Variants in CSNK2A1 observed in about 807,000 individuals in gnomAD.
CSNK2A1 encodes the protein casein kinase 2 alpha 1, also known as casein kinase II subunit alpha.
A neutral mutation model predicts 62.9 loss-of-function variants in CSNK2A1; 10 were observed. The observed-to-expected ratio is 0.16, with a 90% confidence interval of 0.10 to 0.27. CSNK2A1 has a LOEUF of 0.27. Ranked by LOEUF, CSNK2A1 falls within the 10% of genes least tolerant of loss-of-function variation. The probability of loss-of-function intolerance (pLI) is 1.00; values close to 1 mark genes in which losing one functional copy is unlikely to be tolerated. For synonymous variants in CSNK2A1, 124 were observed against 167.8 expected (o/e 0.74, Z 2.02); for missense variants, 160 against 492.0 (o/e 0.33, Z 6.38).
At chr20:519,067 C>T (rs1387160078) in intron 2 of CSNK2A1, among the ~76,000 whole-genome samples, 1 of 151,604 alleles carries the variant, frequency 6.6e-6, no homozygotes, top group Non-Finnish European at 1.5e-5. Flanking sequence ...TCCAGAGTAG[C>T]TGGGACTACA....
Position 526,276 on chromosome 20 carries a change from G to T in CSNK2A1, c.-110+1657C>A, listed in dbSNP as rs943756330. Among the ~76,000 whole-genome samples the T allele has an allele frequency of 5.9e-5, 9 of 152,160 alleles. No individual in the cohort carries two copies. The East Asian group carries it at 1.6e-3, about 26-fold the overall frequency. On this transcript the variant is annotated intron_variant, in intron 2 of 13. Transcript: ENST00000217244. ...GTCTGAGTCCAGGAGTTTGAGATCA[G>T]CCTGGGCAACAGAGTGCAACCCCCA...
intron 4 of CSNK2A1, chr20:501,878 G>C (rs906675313): frequency 3.3e-5 from 5 of 152,086 alleles, no homozygotes; most frequent in Admixed American, 3.3e-4. Context: ...TCTTGAGAGG[G>C]AAACGGGGGA....
At position 496,521 on chromosome 20, in the gene CSNK2A1, G is replaced by A. The variant is rs963170942; in HGVS notation, c.427-719C>T. The A allele has an allele frequency of 2.6e-5, 4 of 152,184 alleles. No individual in the cohort carries two copies. The East Asian group carries it at 5.8e-4, about 22-fold the overall frequency. 9.4% of individuals were successfully genotyped at this position (152,184 alleles called of 1,614,324 possible). ...AATCCCAGCCTTTCAGTCAGCCGAC[G>A]TTGTTGGCCAAATTCTTGTCCTTCC... On this transcript the variant is annotated intron_variant, in intron 7 of 13. Transcript: ENST00000217244.
At chr20:503,793 T>C in intron 4 of CSNK2A1, 1 of 397,842 alleles carries the variant, frequency 2.5e-6, no homozygotes, top group Non-Finnish European at 4.4e-6. Context: ...AACCCAACAG[T>C]AACAAATTAT....
At position 478,402 on chromosome 20, in the gene CSNK2A1, G is replaced by A; in HGVS notation, c.*5559C>T. ...TGGCTAGAAATGTTTATCAATAGCT[G>A]AGACTCTGATTCCCAGGGTGGGATC... is the stretch of plus-strand genomic sequence containing the variant. On this transcript the variant is annotated 3_prime_UTR_variant, in exon 14 of 14. Transcript: ENST00000217244. 1 of 239,844 alleles carries A rather than the reference G, an allele frequency of 4.2e-6. No homozygotes were observed. Among genetic ancestry groups the A allele is most frequent in the South Asian group, 3.7e-5 (1 of 26,856 alleles). 14.9% of individuals were successfully genotyped at this position (239,844 alleles called of 1,614,324 possible).
rs187009010 is a variant in CSNK2A1, at chr20:508,879, C to A, written c.-109-219G>T. Among the ~76,000 whole-genome samples, 711 of 152,184 alleles carry A rather than the reference C, an allele frequency of 4.7e-3. 8 individuals carry two copies. Among genetic ancestry groups the A allele is most frequent in the Middle Eastern group, 0.031 (9 of 294 alleles). On this transcript the variant is annotated intron_variant, in intron 2 of 13. Transcript: ENST00000217244. ...GATATTTGCTTTAATCATATTTTGC[C>A]AAATATCCTGTTACCTCTGCAGGCA...
chr20:488,452 C>A, intron 11 of CSNK2A1: 1 of 444,034 alleles, frequency 2.3e-6, no homozygotes, highest in Non-Finnish European at 4.0e-6. Context: ...TAGGAATCCT[C>A]TAGCTATAAC....
chr20:499,548 G>GCGCCCAT lies in CSNK2A1; in HGVS notation c.316-250_316-244dup. ...ACCAGGCTCTAGGCAGCCCGACAATGCGCCCATCGCCCATCGGCATCGGAC... is the reference window on the plus strand; with the variant it reads ...ACCAGGCTCTAGGCAGCCCGACAATGCGCCCATCGCCCATCGCCCATCGGCATCGGAC... On this transcript the variant is annotated intron_variant, in intron 5 of 13. Transcript: ENST00000217244. The surrounding 1 kb of genome is among the most constrained non-coding windows in gnomAD (Gnocchi z 4.2). 1.8e-6 allele frequency: 1 copy of GCGCCCAT among 552,448 alleles called. No individual in the cohort carries two copies. Among genetic ancestry groups the GCGCCCAT allele is most frequent in the South Asian group, 2.7e-5 (1 of 37,036 alleles). The allele number at this position is 552,448 out of a possible 1,614,324, so 34.2% of individuals were successfully genotyped here. A position where few individuals can be genotyped will look rare whatever the true frequency, so the allele number is the denominator to read the frequency against.
chr20:508,379 C>T, intron 3 of CSNK2A1, 72 bp downstream of exon 3: 1 of 1,544,074 alleles, frequency 6.5e-7, no homozygotes, highest in South Asian at 1.2e-5. Context: ...GGTTTTCTGA[C>T]AAAAACTACT....
chr20:509,219 A>T (rs753715736), intron 2 of CSNK2A1, among the ~76,000 whole-genome samples: 1 of 152,252 alleles, frequency 6.6e-6, no homozygotes, highest in Non-Finnish European at 1.5e-5. Context: ...GGTAATAATC[A>T]GTAGAACCTT....
Position 481,707 on chromosome 20 carries a change from A to G in CSNK2A1, c.*2254T>C, listed in dbSNP as rs1438374350. ...CCGCATCAGCCTAAGCTACACCTCA[A>G]TTTCCGAGCTACAAGGATAGGGTAT... On this transcript the variant is annotated 3_prime_UTR_variant, in exon 14 of 14. Transcript: ENST00000217244. 6.6e-6 allele frequency: 1 copy of G among 151,992 alleles called. No individual in the cohort carries two copies. The highest frequency in any genetic ancestry group is 2.4e-5 in the African/African-American group (1 of 41,364). The allele number at this position is 151,992 out of a possible 1,614,324, so 9.4% of individuals were successfully genotyped here. A position where few individuals can be genotyped will look rare whatever the true frequency, so the allele number is the denominator to read the frequency against.
chr20:508,754 C>T, intron 2 of CSNK2A1, 94 bp from the exon 3 acceptor site: 1 of 516,846 alleles, frequency 1.9e-6, no homozygotes, highest in South Asian at 2.8e-5. Context: ...CTGAAATATA[C>T]CTCTGGCTCT....
rs2122483265 is a variant in CSNK2A1 at position 480,902 on chromosome 20, T to C, written c.*3059A>G. On this transcript the variant is annotated 3_prime_UTR_variant, in exon 14 of 14. Coordinates refer to ENST00000217244, the MANE Select transcript of CSNK2A1 (RefSeq NM_177559.3). ...CCAATCTCTAATTTTCTCTGCTACTTTAGGACTATAGTAATTAGCCATACC... is the reference window on the plus strand; with the variant it reads ...CCAATCTCTAATTTTCTCTGCTACTCTAGGACTATAGTAATTAGCCATACC... 1 of 152,364 alleles carries C rather than the reference T, an allele frequency of 6.6e-6. No individual in the cohort carries two copies. Among genetic ancestry groups the C allele is most frequent in the African/African-American group, 2.4e-5 (1 of 41,586 alleles). The allele number at this position is 152,364 out of a possible 1,614,324, so 9.4% of individuals were successfully genotyped here. A position where few individuals can be genotyped will look rare whatever the true frequency, so the allele number is the denominator to read the frequency against.
At position 479,184 on chromosome 20, in the gene CSNK2A1, C is replaced by T. The variant is rs931009252; in HGVS notation, c.*4777G>A. ...GAGTCAGAAATTTTCCAAATGCAAA[C>T]ATCTATGGCCTCCCTATAATGTAGC... On this transcript the variant is annotated 3_prime_UTR_variant, in exon 14 of 14. Coordinates refer to ENST00000217244, the MANE Select transcript of CSNK2A1 (RefSeq NM_177559.3). The T allele has an allele frequency of 6.6e-6, 1 of 152,388 alleles. No homozygotes were observed. The highest frequency in any genetic ancestry group is 1.5e-5 in the Non-Finnish European group (1 of 68,188). 9.4% of individuals were successfully genotyped at this position (152,388 alleles called of 1,614,324 possible). A position where few individuals can be genotyped will look rare whatever the true frequency, so the allele number is the denominator to read the frequency against.
chr20:512,773 G>C (rs1161824715), intron 2 of CSNK2A1, among the ~76,000 whole-genome samples: 1 of 152,148 alleles, frequency 6.6e-6, no homozygotes, highest in Non-Finnish European at 1.5e-5. Context: ...AGTAATTCAA[G>C]TACCAAAAGT....
chr20:534,801 G>A lies in CSNK2A1; in HGVS notation c.-226-6752C>T, dbSNP rs550559089. 1.4e-3 allele frequency among the ~76,000 whole-genome samples: 212 copies of A among 151,292 alleles called. 2 individuals carry two copies. Among genetic ancestry groups the A allele is most frequent in the African/African-American group, 5.0e-3 (205 of 41,182 alleles). ...CCCAGCACTTTGGGAGGCCGAGATG[G>A]GTGGATTGCCTGAGCTCAGGTGTTA... On this transcript the variant is annotated intron_variant, in intron 1 of 13. Coordinates refer to ENST00000217244, the MANE Select transcript of CSNK2A1 (RefSeq NM_177559.3).
rs903035961 is a variant in CSNK2A1, at chr20:478,172, C to T, written c.*5789G>A. 3.3e-5 allele frequency: 5 copies of T among 152,626 alleles called. No individual in the cohort carries two copies. Among genetic ancestry groups the T allele is most frequent in the African/African-American group, 1.2e-4 (5 of 41,388 alleles). The allele number at this position is 152,626 out of a possible 1,614,324, so 9.5% of individuals were successfully genotyped here. ...GGGCACTTACAAATGTTTGTTGAAACCAAAGACATCCTATATTACAGAAAT... is the reference window on the plus strand; with the variant it reads ...GGGCACTTACAAATGTTTGTTGAAATCAAAGACATCCTATATTACAGAAAT... On this transcript the variant is annotated 3_prime_UTR_variant, in exon 14 of 14. Transcript: ENST00000217244.
At position 499,278 on chromosome 20, in the gene CSNK2A1, G is replaced by T; in HGVS notation, c.343C>A (p.His115Asn). Reference protein sequence around the residue: ...VSRTPALVFEHVNNTDFKQLY... With the variant: ...VSRTPALVFENVNNTDFKQLY... The stretch of plus-strand genomic sequence containing the variant: ...ACCTTGAAGTCTGTGTTGTTTACGT[G>T]TTCAAAAACCAAGGCGGGGGTTCGT... Residue 115 changes from histidine to asparagine, a missense_variant, in exon 6 of 14, where the codon CAC becomes AAC. By Grantham distance (68) the His-to-Asn change is moderately conservative. Transcript: ENST00000217244. The surrounding 1 kb of genome is among the most constrained non-coding windows in gnomAD (Gnocchi z 4.2). The T allele has an allele frequency of 1.2e-6, 2 of 1,608,474 alleles. No homozygotes were observed. Among genetic ancestry groups the T allele is most frequent in the Non-Finnish European group, 1.7e-6 (2 of 1,177,346 alleles).
At chr20:511,728 A>ACACC (rs1555766295) in intron 2 of CSNK2A1, among the ~76,000 whole-genome samples, 2 of 144,468 alleles carry the variant, frequency 1.4e-5, no homozygotes, top group East Asian at 4.3e-4. Context: ...ACACACACAC[A>ACACC]CACCACATTT....
Sources: allele counts gnomAD v4.1 joint callset (sites outside exome capture counted in the v4.1 genomes callset), GRCh38; gene constraint gnomAD v4.1.1; non-coding constraint Gnocchi (gnomAD v3.1); transcripts MANE v1.5; gene names NCBI Gene and HGNC (gene_info 2026-07-23, HGNC 2026-07-21).